Variants in NBAS observed in about 807,000 individuals in gnomAD.
NBAS encodes NAG/BC035112 fusion.
Under a neutral mutation model 302.5 loss-of-function variants are expected in NBAS, and 219 were observed. The ratio of observed to expected loss-of-function variants is 0.72; its 90% CI spans 0.65 to 0.81. The LOEUF (loss-of-function observed/expected upper bound fraction) is 0.81. Among genes scored for constraint, NBAS ranks in the 30% least tolerant of loss-of-function variants. The probability of loss-of-function intolerance (pLI) is 0.00; values close to 1 mark genes in which losing one functional copy is unlikely to be tolerated. For missense variants in NBAS, 2,932 were observed against 2,841.6 expected (o/e 1.03, Z -0.72); for synonymous variants, 1,118 against 1,021.6 (o/e 1.09, Z -1.80).
the NBAS span, among the ~76,000 whole-genome samples, chr2:15,009,943 G>A: frequency 9.9e-5 from 15 of 152,206 alleles, no homozygotes; most frequent in African/African-American, 3.4e-4. Flanking sequence ...CTCTTCTGGA[G>A]AGAGGGAGAT....
intron 28 of NBAS, among the ~76,000 whole-genome samples, chr2:15,392,926 C>G (rs769457062): frequency 6.6e-6 from 1 of 152,014 alleles, no homozygotes; most frequent in Non-Finnish European, 1.5e-5. Flanking sequence ...ATAAATGGAT[C>G]AATGGAACAA....
chr2:15,338,053 T>C (rs189971861), intron 35 of NBAS, among the ~76,000 whole-genome samples: 1 of 152,332 alleles, frequency 6.6e-6, no homozygotes, highest in African/African-American at 2.4e-5. Context: ...TAAGCACTAA[T>C]AATATTTTTC....
chr2:15,190,300 A>G lies in NBAS; in HGVS notation c.6536T>C (p.Leu2179Pro). 6.2e-7 allele frequency: 1 copy of G among 1,614,016 alleles called. No individual in the cohort carries two copies. The highest frequency in any genetic ancestry group is 8.5e-7 in the Non-Finnish European group (1 of 1,179,922). ...TTTCATAGGTGGCCAAGCTTGCAAA[A>G]GTAAAACCAAGTGCTGAAATTCAGC... ...HEAEFQHLVLLLQAWPPMKSE... is the reference protein window; with the variant it reads ...HEAEFQHLVLPLQAWPPMKSE... Residue 2179 changes from leucine to proline, a missense_variant, in exon 49 of 52, where the codon CTT becomes CCT. Physicochemically the swap from Leu to Pro is moderately conservative, Grantham distance 98 (BLOSUM62 -3). Transcript: ENST00000281513.
chr2:15,356,952 T>G (rs2148314059), intron 32 of NBAS, among the ~76,000 whole-genome samples: 1 of 152,340 alleles, frequency 6.6e-6, no homozygotes, highest in African/African-American at 2.4e-5. Flanking sequence ...GCCCTGTCCT[T>G]GGACATATCC....
chr2:15,519,861 T>C (rs916379128), intron 9 of NBAS, among the ~76,000 whole-genome samples: 1 of 152,224 alleles, frequency 6.6e-6, no homozygotes, highest in African/African-American at 2.4e-5. Context: ...CTCTAAAAGA[T>C]ATACTTTACT....
chr2:15,520,937 A>G (rs1007054616), intron 9 of NBAS, among the ~76,000 whole-genome samples: 1 of 152,232 alleles, frequency 6.6e-6, no homozygotes, highest in Non-Finnish European at 1.5e-5. Flanking sequence ...AATAGCAGTT[A>G]TGAAACCATC....
chr2:15,046,387 C>A, the NBAS span, among the ~76,000 whole-genome samples: 6 of 152,228 alleles, frequency 3.9e-5, no homozygotes, highest in South Asian at 1.2e-3. Context: ...CAATATATAT[C>A]AACCTCCAAG....
chr2:15,219,206 G>A (rs1666803748), intron 47 of NBAS, among the ~76,000 whole-genome samples: 1 of 151,806 alleles, frequency 6.6e-6, no homozygotes, highest in Admixed American at 6.6e-5. Flanking sequence ...GTTATATAAA[G>A]CAGATAAACA....
intron 44 of NBAS, among the ~76,000 whole-genome samples, chr2:15,246,053 G>A (rs1222443479): frequency 6.6e-6 from 1 of 152,156 alleles, no homozygotes; most frequent in Non-Finnish European, 1.5e-5. Flanking sequence ...TGGAATGCCA[G>A]GCTAGATAAG....
At chr2:15,239,399 G>GTATATATATATATATATATA (rs374042921) in intron 44 of NBAS, among the ~76,000 whole-genome samples, 1 of 133,932 alleles carries the variant, frequency 7.5e-6, no homozygotes, top group East Asian at 2.0e-4. Flanking sequence ...GTGTGTGTGT[G>GTATATATATATATATATATA]TGTATATATA....
In NBAS at chr2:15,309,127, CCATTTAGT is replaced by C. The variant is rs747272021; in HGVS notation, c.4659+36_4659+43del. The C allele has an allele frequency of 2.7e-6, 4 of 1,500,572 alleles. No individual in the cohort carries two copies. In the South Asian group the frequency reaches 3.4e-5, roughly 13 times the overall value. 93.0% of individuals were successfully genotyped at this position (1,500,572 alleles called of 1,614,324 possible). ...GATGAAAATTCACAGCATACATTTT[CCATTTAGT>C]CATTTTAAATTCTTCATTGGTAAGG... On this transcript the variant is annotated intron_variant, in intron 39 of 51. Transcript: ENST00000281513.
chr2:15,161,162 G>A, the NBAS span, among the ~76,000 whole-genome samples: 28 of 152,140 alleles, frequency 1.8e-4, no homozygotes, highest in African/African-American at 6.0e-4. Context: ...GACAACTTAC[G>A]CAAGTTTATT....
the NBAS span, among the ~76,000 whole-genome samples, chr2:14,968,452 G>A: frequency 6.6e-6 from 1 of 151,120 alleles, no homozygotes; most frequent in Non-Finnish European, 1.5e-5. Context: ...TTAGAGTTGT[G>A]GTTTTGCTAT....
chr2:14,797,326 G>A, the NBAS span, among the ~76,000 whole-genome samples: 1 of 152,126 alleles, frequency 6.6e-6, no homozygotes, highest in East Asian at 1.9e-4. Flanking sequence ...GCGACCTGCC[G>A]AATGATAGGT....
At chr2:14,799,741 T>C in the NBAS span, among the ~76,000 whole-genome samples, 5 of 152,188 alleles carry the variant, frequency 3.3e-5, no homozygotes, top group Admixed American at 2.6e-4. Context: ...ATTTTAAAGC[T>C]TTGTTATTCA....
At chr2:15,057,230 T>A in the NBAS span, among the ~76,000 whole-genome samples, 1 of 151,660 alleles carries the variant, frequency 6.6e-6, no homozygotes, top group Non-Finnish European at 1.5e-5. Flanking sequence ...ACAGCTCATC[T>A]TTCCAGATGC....
intron 12 of NBAS, among the ~76,000 whole-genome samples, chr2:15,486,580 A>G (rs1279550783): frequency 6.6e-6 from 1 of 152,202 alleles, no homozygotes; most frequent in Non-Finnish European, 1.5e-5. Flanking sequence ...GACAACTTCT[A>G]GCCTGAATGC....
At chr2:15,160,585 C>CGGGG in the NBAS span, among the ~76,000 whole-genome samples, 2 of 92,278 alleles carry the variant, frequency 2.2e-5, no homozygotes, top group African/African-American at 4.7e-5. Flanking sequence ...CCAGTGTGGG[C>CGGGG]GGGGGGAGGG....
intron 9 of NBAS, among the ~76,000 whole-genome samples, chr2:15,518,158 CT>C (rs1186721747): frequency 6.8e-6 from 1 of 148,072 alleles, no homozygotes; most frequent in Non-Finnish European, 1.5e-5. Flanking sequence ...AGTGAATTGG[CT>C]TTAACACGTT....
Sources: gnomAD v4.1 joint callset for allele counts (sites outside exome capture counted in the v4.1 genomes callset) on GRCh38, gnomAD v4.1.1 for gene constraint, MANE v1.5 for transcripts, NCBI Gene and HGNC (gene_info 2026-07-23, HGNC 2026-07-21) for gene names.